The following ACTR5 variants were observed in gnomAD, a reference collection of about 807,000 sequenced individuals.
ACTR5 encodes actin related protein 5, also known as actin-related protein 5.
ACTR5 carries 43 observed loss-of-function variants against 61.2 expected under a neutral mutation model. The observed-to-expected ratio is 0.70, with a 90% confidence interval of 0.55 to 0.91. The LOEUF (loss-of-function observed/expected upper bound fraction) is 0.91. Among genes scored for constraint, ACTR5 ranks in the 40% least tolerant of loss-of-function variants. The probability of loss-of-function intolerance (pLI) is 0.00; values close to 1 mark genes in which losing one functional copy is unlikely to be tolerated. For missense variants in ACTR5, 798 were observed against 782.2 expected, an observed-to-expected ratio of 1.02 and a Z score of -0.24; for synonymous variants, 333 against 310.5, an observed-to-expected ratio of 1.07 and a Z score of -0.76.
At chr20:38,752,002 T>C in intron 2 of ACTR5, 129 bp from the exon 3 acceptor site, 1 of 1,046,854 alleles carries the variant, frequency 9.6e-7, no homozygotes, top group South Asian at 1.6e-5. Flanking sequence ...CTTCTGACTA[T>C]CAGGTTTTGT....
At chr20:38,754,086 A>G (rs553506971) in intron 3 of ACTR5, among the ~76,000 whole-genome samples, 49 of 152,008 alleles carry the variant, frequency 3.2e-4, no homozygotes, top group Admixed American at 2.8e-3. Context: ...TGTCTTATTT[A>G]TTTCATCTGT....
At position 38,754,962 on chromosome 20, in the gene ACTR5, C is replaced by A. The variant is rs747084550; in HGVS notation, c.781C>A (p.His261Asn). The A allele has an allele frequency of 6.2e-7, 1 of 1,612,886 alleles. No homozygotes were observed. Among genetic ancestry groups the A allele is most frequent in the African/African-American group, 1.3e-5 (1 of 74,804 alleles). Reference protein sequence around the residue: ...YIAEDYVEELHKWRCPDYYEN... With the variant: ...YIAEDYVEELNKWRCPDYYEN... ...TCAAAATTGTTTCTTTGAAGAATTA[C>A]ACAAATGGCGGTGTCCTGATTATTA... Residue 261 changes from histidine to asparagine, a missense_variant, in exon 4 of 9, where the codon CAC becomes AAC. Physicochemically the swap from His to Asn is moderately conservative, Grantham distance 68. Coordinates refer to ENST00000243903, the MANE Select transcript of ACTR5 (RefSeq NM_024855.4).
chr20:38,748,536 G>T lies in ACTR5; in HGVS notation c.58G>T (p.Glu20Ter). The T allele has an allele frequency of 1.3e-6, 2 of 1,509,944 alleles. No homozygotes were observed. The highest frequency in any genetic ancestry group is 8.8e-7 in the Non-Finnish European group (1 of 1,133,962). 93.5% of individuals were successfully genotyped at this position (1,509,944 alleles called of 1,614,324 possible). ...CCGTGCCGCACCGGACCCAGTGCTG[G>T]AGGCCGGCCCGGTGGCACACGGGCC... ...DARAAPDPVL[E>*]AGPVAHGPLP... The change falls in exon 1 of 9, where the codon GAG becomes TAG. Residue 20 changes from glutamate to a stop codon, truncating the protein, a stop_gained. Transcript: ENST00000243903. LOFTEE classifies it high-confidence loss of function.
At chr20:38,753,515 A>G (rs2084399263) in intron 3 of ACTR5, among the ~76,000 whole-genome samples, 1 of 152,160 alleles carries the variant, frequency 6.6e-6, no homozygotes, top group Admixed American at 6.5e-5. Flanking sequence ...GTGATAGAGA[A>G]GAAGTGAGGG....
At position 38,755,159 on chromosome 20, in the gene ACTR5, A is replaced by G; in HGVS notation, c.978A>G (p.Arg326=). The change falls in exon 4 of 9, where the codon CGA becomes CGG. Residue 326 remains arginine, a synonymous_variant. Transcript: ENST00000243903. Reference sequence around the variant, plus strand: ...AGCTGGATCAGGAGCGTCTGGACCGACTGCTATATGTGCAGGTAATAGCAG... The same window carrying G: ...AGCTGGATCAGGAGCGTCTGGACCGGCTGCTATATGTGCAGGTAATAGCAG... ...KLQLDQERLD[R]LLYVQELLED... The G allele has an allele frequency of 6.2e-7, 1 of 1,611,502 alleles. No individual in the cohort carries two copies. The highest frequency in any genetic ancestry group is 8.5e-7 in the Non-Finnish European group (1 of 1,178,832).
chr20:38,751,064 C>T (rs1363261897), intron 2 of ACTR5, among the ~76,000 whole-genome samples: 1 of 152,140 alleles, frequency 6.6e-6, no homozygotes, highest in African/African-American at 2.4e-5. Flanking sequence ...AATCTGTTGC[C>T]ACTTTATCGT....
rs757274647 is a variant in ACTR5 at position 38,752,261 on chromosome 20, C to A, written c.736C>A (p.Leu246Met). 1 of 1,613,764 alleles carries A rather than the reference C, an allele frequency of 6.2e-7. No individual in the cohort carries two copies. The change falls in exon 3 of 9, where the codon CTG becomes ATG. Residue 246 changes from leucine to methionine, a missense_variant. Transcript: ENST00000243903. Reference protein sequence around the residue: ...AITLSRMEEILHEHSYIAEDY... With the variant: ...AITLSRMEEIMHEHSYIAEDY... ...CACCCTCAGCCGCATGGAGGAGATTCTGCATGAGCACAGCTACATCGCTGA... is the reference window on the plus strand; with the variant it reads ...CACCCTCAGCCGCATGGAGGAGATTATGCATGAGCACAGCTACATCGCTGA...
intron 8 of ACTR5, among the ~76,000 whole-genome samples, chr20:38,768,111 A>G (rs974335473): frequency 1.5e-4 from 23 of 152,266 alleles, no homozygotes; most frequent in South Asian, 2.1e-4. Flanking sequence ...GCTTTGCTGC[A>G]TGATGTCGTG....
Position 38,771,995 on chromosome 20 carries a change from C to A in ACTR5, c.*179C>A. ...ACACTGAGACCTGCCCTTCAGAATT[C>A]GGTTCACTTGGGGGCTTCTGTGGTA... On this transcript the variant is annotated 3_prime_UTR_variant, in exon 9 of 9. Coordinates refer to ENST00000243903, the MANE Select transcript of ACTR5 (RefSeq NM_024855.4). 1.1e-6 allele frequency: 1 copy of A among 899,656 alleles called. No individual in the cohort carries two copies. The highest frequency in any genetic ancestry group is 1.6e-6 in the Non-Finnish European group (1 of 613,182). The allele number at this position is 899,656 out of a possible 1,614,324, so 55.7% of individuals were successfully genotyped here.
intron 5 of ACTR5, among the ~76,000 whole-genome samples, chr20:38,764,391 T>C (rs2084473107): frequency 6.6e-6 from 1 of 152,232 alleles, no homozygotes; most frequent in Admixed American, 6.5e-5. Flanking sequence ...TTCTCTCCAT[T>C]GAGTCTAATG....
In ACTR5 at chr20:38,748,582, T is replaced by C; in HGVS notation, c.104T>C (p.Leu35Pro). The C allele has an allele frequency of 6.6e-7, 1 of 1,522,970 alleles. No homozygotes were observed. The highest frequency in any genetic ancestry group is 8.8e-7 in the Non-Finnish European group (1 of 1,137,822). The allele number at this position is 1,522,970 out of a possible 1,614,324, so 94.3% of individuals were successfully genotyped here. Reference protein sequence around the residue: ...AHGPLPVPLVLDNGSFQVRAG... With the variant: ...AHGPLPVPLVPDNGSFQVRAG... ...GGGCCACTGCCGGTACCGCTGGTGC[T>C]GGACAACGGGTCGTTCCAAGTCCGC... The change falls in exon 1 of 9, where the codon CTG becomes CCG. Residue 35 changes from leucine to proline, a missense_variant. Physicochemically the swap from Leu to Pro is moderately conservative, Grantham distance 98. Transcript: ENST00000243903.
At chr20:38,768,388 A>C (rs539178811) in intron 8 of ACTR5, among the ~76,000 whole-genome samples, 1 of 152,134 alleles carries the variant, frequency 6.6e-6, no homozygotes, top group African/African-American at 2.4e-5. Context: ...TTGTAATCCT[A>C]CTTACAGCTG....
intron 8 of ACTR5, 23 bp downstream of exon 8, chr20:38,767,619 A>G (rs2245237): frequency 0.25 from 400,311 of 1,582,556 alleles, 51,660 homozygotes; most frequent in Middle Eastern, 0.33. Flanking sequence ...CGAGTAGTCA[A>G]TTATTTTGAA....
intron 5 of ACTR5, among the ~76,000 whole-genome samples, chr20:38,760,003 A>C (rs1346890568): frequency 6.6e-6 from 1 of 151,458 alleles, no homozygotes; most frequent in Non-Finnish European, 1.5e-5. Flanking sequence ...ATCTCTAAAA[A>C]AAATTTTTTT....
chr20:38,768,571 C>T (rs765453465), intron 8 of ACTR5, among the ~76,000 whole-genome samples: 3 of 152,286 alleles, frequency 2.0e-5, no homozygotes, highest in Non-Finnish European at 2.9e-5. Flanking sequence ...TTGTAGGAGA[C>T]GCAGTGTCTA....
chr20:38,758,424 A>G (rs1568635921), intron 5 of ACTR5, among the ~76,000 whole-genome samples: 1 of 152,184 alleles, frequency 6.6e-6, no homozygotes, highest in Non-Finnish European at 1.5e-5. Flanking sequence ...AGGTGGGTGG[A>G]TCACCTGAGG....
intron 3 of ACTR5, among the ~76,000 whole-genome samples, chr20:38,754,531 A>G (rs2084406385): frequency 6.6e-6 from 1 of 152,000 alleles, no homozygotes. Context: ...ATCCTGGGTA[A>G]CATGGGGAAA....
At chr20:38,749,988 T>C (rs372446166) in intron 1 of ACTR5, 22 bp from the exon 2 acceptor site, 198 of 1,592,144 alleles carry the variant, frequency 1.2e-4, no homozygotes, top group Non-Finnish European at 1.6e-4. Flanking sequence ...ACTCATTTAT[T>C]TGCCCTTTTC....
intron 5 of ACTR5, among the ~76,000 whole-genome samples, chr20:38,759,463 G>A (rs1163285077): frequency 6.6e-6 from 1 of 152,182 alleles, no homozygotes; most frequent in African/African-American, 2.4e-5. Flanking sequence ...TCCTCTCTGC[G>A]ACTTGTATGA....
Sources: gnomAD v4.1 joint callset for allele counts (sites outside exome capture counted in the v4.1 genomes callset) on GRCh38, gnomAD v4.1.1 for gene constraint, MANE v1.5 for transcripts, NCBI Gene and HGNC (gene_info 2026-07-23, HGNC 2026-07-21) for gene names.